The following SEZ6 variants were observed in gnomAD, a reference collection of about 807,000 sequenced individuals.
SEZ6 encodes the protein seizure related 6 homolog.
In SEZ6, 53 loss-of-function variants were observed where a neutral mutation model predicts 101.0. The observed-to-expected ratio is 0.52, with a 90% CI of 0.42 to 0.66. SEZ6 has a LOEUF of 0.66. SEZ6 is among the 30% of genes least tolerant of loss of function. SEZ6 has a pLI of 0.00. For missense variants in SEZ6, 1,102 were observed against 1,289.4 expected (o/e 0.85, Z 2.23); for synonymous variants, 488 against 512.2 (o/e 0.95, Z 0.64).
chr17:28,972,597 G>A lies in SEZ6; in HGVS notation c.859-2645C>T, dbSNP rs550962963. ...TGTGAGAAACTCTCCACCCAGGCAC[G>A]TTTGGGCGGAGGCTGCCTGACCATC... On this transcript the variant is annotated intron_variant, in intron 3 of 16. Coordinates refer to ENST00000317338, the MANE Select transcript of SEZ6 (RefSeq NM_178860.5). 5.3e-5 allele frequency among the ~76,000 whole-genome samples: 8 copies of A among 152,344 alleles called. No homozygotes were observed. The South Asian group carries it at 1.2e-3, about 24-fold the overall frequency.
In SEZ6 at chr17:28,981,650, G is replaced by C; in HGVS notation, c.445C>G (p.Leu149Val). 6.3e-7 allele frequency: 1 copy of C among 1,579,610 alleles called. No individual in the cohort carries two copies. Among genetic ancestry groups the C allele is most frequent in the Non-Finnish European group, 8.6e-7 (1 of 1,158,932 alleles). Residue 149 changes from leucine (L) to valine (V), a missense_variant, in exon 2 of 17, where the codon CTT becomes GTT. Around this residue, in one of 3 missense-constraint regions of SEZ6, gnomAD observed 406 missense variants for 418.6 expected, o/e 0.97. Coordinates refer to ENST00000317338, the MANE Select transcript of SEZ6 (RefSeq NM_178860.5). ...GGAGGTAGGGGAGCTGTGATTCGAAGCATAGGGGACTCTGACTCCGGACTC... is the reference window on the plus strand; with the variant it reads ...GGAGGTAGGGGAGCTGTGATTCGAACCATAGGGGACTCTGACTCCGGACTC... ...PWSPESESPM[L>V]RITAPLPPGP...
rs1286184100 is a variant in SEZ6, at chr17:28,955,556, A to G, written c.*406T>C. On this transcript the variant is annotated 3_prime_UTR_variant, in exon 17 of 17. Transcript: ENST00000317338. ...GGAGTACCCTGGTGCAGTTCCCACC[A>G]TGGTCAAGTTAATCCTGCTGCAGGT... is the stretch of plus-strand genomic sequence containing the variant. 10 of 457,006 alleles carry G rather than the reference A, an allele frequency of 2.2e-5. No individual in the cohort carries two copies. Among genetic ancestry groups the G allele is most frequent in the Admixed American group, 2.1e-4 (9 of 42,560 alleles). The allele number at this position is 457,006 out of a possible 1,614,324, so 28.3% of individuals were successfully genotyped here. A position where few individuals can be genotyped will look rare whatever the true frequency, so the allele number is the denominator to read the frequency against.
At chr17:28,958,255 G>A (rs746500291) in intron 10 of SEZ6, 114 bp from the exon 11 acceptor site, 37 of 1,303,894 alleles carry the variant, frequency 2.8e-5, no homozygotes, top group Non-Finnish European at 3.7e-5. Context: ...AGACTGTCCT[G>A]GGCGGGCTCA....
chr17:28,983,924 C>T (rs951711039), intron 1 of SEZ6, among the ~76,000 whole-genome samples: 1 of 151,884 alleles, frequency 6.6e-6, no homozygotes. Flanking sequence ...GAGACCATAG[C>T]AGCTCTGATG....
At chr17:29,000,830 AG>A (rs1304899471) in intron 1 of SEZ6, among the ~76,000 whole-genome samples, 4 of 149,576 alleles carry the variant, frequency 2.7e-5, no homozygotes, top group Non-Finnish European at 4.5e-5. Flanking sequence ...TGGCTGTTAT[AG>A]GGGGGGTGGT....
chr17:28,964,225 T>C (rs1598184026), intron 4 of SEZ6, 78 bp from the exon 5 acceptor site: 1 of 1,428,892 alleles, frequency 7.0e-7, no homozygotes, highest in East Asian at 2.5e-5. Flanking sequence ...GGGGGAGGTC[T>C]GCCTCAGTCT....
At chr17:29,001,337 A>G (rs2041612010) in intron 1 of SEZ6, among the ~76,000 whole-genome samples, 1 of 152,210 alleles carries the variant, frequency 6.6e-6, no homozygotes, top group South Asian at 2.1e-4. Flanking sequence ...TGTTGAGTTT[A>G]GTTTTGCTGC....
rs1271538224 is a variant in SEZ6 at position 28,956,378 on chromosome 17, CCAA to C, written c.2818_2820del (p.Leu940del). ...GAGAAGTAGAAGTATACACCTCCTA[CCAA>C]CAACACCATCGCCACCAGTGGCAAG... On this transcript the variant is annotated inframe_deletion, in exon 15 of 17. Coordinates refer to ENST00000317338, the MANE Select transcript of SEZ6 (RefSeq NM_178860.5). 1.3e-6 allele frequency: 2 copies of C among 1,572,860 alleles called. No individual in the cohort carries two copies. Among genetic ancestry groups the C allele is most frequent in the Non-Finnish European group, 1.7e-6 (2 of 1,158,960 alleles).
At position 28,959,854 on chromosome 17, in the gene SEZ6, A is replaced by G. The variant is rs2040948285; in HGVS notation, c.1615T>C (p.Tyr539His). The G allele has an allele frequency of 6.2e-7, 1 of 1,613,356 alleles. No homozygotes were observed. The highest frequency in any genetic ancestry group is 8.5e-7 in the Non-Finnish European group (1 of 1,179,650). The stretch of plus-strand genomic sequence containing the variant: ...GGTGTGCTGCTGCTGAAGTTACCGT[A>G]TTTGACAAAGGGCTCATAGCAATGG... The part of the protein sequence containing the change: ...QGHCYEPFVK[Y>H]GNFSSSTPTY... Residue 539 changes from tyrosine to histidine, a missense_variant, in exon 8 of 17, where the codon TAC becomes CAC. Tyr to His is a moderately conservative substitution (Grantham distance 83). Around this residue, in one of 3 missense-constraint regions of SEZ6, gnomAD observed 556 missense variants for 735.1 expected, o/e 0.76. Coordinates refer to ENST00000317338, the MANE Select transcript of SEZ6 (RefSeq NM_178860.5). The surrounding 1 kb of genome is among the most constrained non-coding windows in gnomAD (Gnocchi z 4.4).
At chr17:28,986,011 C>A (rs2041377011) in intron 1 of SEZ6, among the ~76,000 whole-genome samples, 1 of 152,216 alleles carries the variant, frequency 6.6e-6, no homozygotes, top group Non-Finnish European at 1.5e-5. Context: ...CCCTCCCTTC[C>A]CCGCGGGCCA....
At chr17:28,965,768 A>G (rs1388570774) in intron 4 of SEZ6, among the ~76,000 whole-genome samples, 1 of 152,210 alleles carries the variant, frequency 6.6e-6, no homozygotes, top group Non-Finnish European at 1.5e-5. Flanking sequence ...TGTCATACCA[A>G]ATTTGACCAA....
Position 28,957,177 on chromosome 17 carries a change from G to C in SEZ6, c.2560C>G (p.Gln854Glu), listed in dbSNP as rs746238342. 1.2e-6 allele frequency: 2 copies of C among 1,613,916 alleles called. No individual in the cohort carries two copies. Among genetic ancestry groups the C allele is most frequent in the East Asian group, 2.2e-5 (1 of 44,894 alleles). Residue 854 changes from glutamine to glutamate, a missense_variant, in exon 13 of 17, where the codon CAG (glutamine) becomes GAG (glutamate). Gln to Glu is a conservative substitution (Grantham distance 29). Coordinates refer to ENST00000317338, the MANE Select transcript of SEZ6 (RefSeq NM_178860.5). ...ATGGTGGCCCCTGCTGGGTGTAGCT[G>C]CTTCTCAGGACTTCGGGCACCATTC... ...PENGARSPEK[Q>E]LHPAGATIHF...
chr17:28,985,306 C>A (rs2152690269), intron 1 of SEZ6, among the ~76,000 whole-genome samples: 1 of 152,310 alleles, frequency 6.6e-6, no homozygotes, highest in Admixed American at 6.5e-5. Flanking sequence ...TGGGTTGGGC[C>A]CTGGTCGAGC....
intron 1 of SEZ6, among the ~76,000 whole-genome samples, chr17:28,996,362 CCAGGCACCT>C (rs2041541059): frequency 6.6e-6 from 1 of 152,136 alleles, no homozygotes; most frequent in South Asian, 2.1e-4. Flanking sequence ...GTGGGCTATC[CCAGGCACCT>C]TTTGCCTGAG....
intron 1 of SEZ6, among the ~76,000 whole-genome samples, chr17:29,004,547 G>A (rs912587545): frequency 6.6e-6 from 1 of 152,154 alleles, no homozygotes; most frequent in African/African-American, 2.4e-5. Flanking sequence ...GCGTCTCCGG[G>A]GCCACAGTTT....
At chr17:28,956,940 CAT>C (rs1161471483) in intron 13 of SEZ6, 103 bp downstream of exon 13, 1 of 1,381,418 alleles carries the variant, frequency 7.2e-7, no homozygotes, top group East Asian at 2.5e-5. Context: ...CCAAGGGTAA[CAT>C]GAAGGTGGCA....
rs956388609 is a variant in SEZ6, at chr17:28,955,764, G to A, written c.*198C>T. 1.4e-6 allele frequency: 1 copy of A among 722,408 alleles called. No homozygotes were observed. The highest frequency in any genetic ancestry group is 2.5e-6 in the Non-Finnish European group (1 of 403,034). The allele number at this position is 722,408 out of a possible 1,614,324, so 44.7% of individuals were successfully genotyped here. A position where few individuals can be genotyped will look rare whatever the true frequency, so the allele number is the denominator to read the frequency against. On this transcript the variant is annotated 3_prime_UTR_variant, in exon 17 of 17. Coordinates refer to ENST00000317338, the MANE Select transcript of SEZ6 (RefSeq NM_178860.5). ...GGGCCCAATGAAGGGCCCCAAGTGG[G>A]CAATGACACCAAGAAAATAGGCCAT... is the stretch of plus-strand genomic sequence containing the variant.
Position 28,955,945 on chromosome 17 carries a change from C to T in SEZ6, c.*17G>A. 6.2e-7 allele frequency: 1 copy of T among 1,611,338 alleles called. No homozygotes were observed. Among genetic ancestry groups the T allele is most frequent in the Non-Finnish European group, 8.5e-7 (1 of 1,178,836 alleles). ...CTGAGTTGACTTCCCTAGACTGCCC[C>T]CACCTAGATGGAGACTTCATATTCT... On this transcript the variant is annotated 3_prime_UTR_variant, in exon 17 of 17. Transcript: ENST00000317338.
chr17:29,004,033 G>T (rs928360595), intron 1 of SEZ6, among the ~76,000 whole-genome samples: 5 of 152,166 alleles, frequency 3.3e-5, no homozygotes, highest in Non-Finnish European at 7.3e-5. Context: ...CTCTAGCCCT[G>T]CAGGGAGCTC....
Sources: allele counts gnomAD v4.1 joint callset (sites outside exome capture counted in the v4.1 genomes callset), GRCh38; gene constraint gnomAD v4.1.1; regional missense constraint gnomAD v4.1.1; non-coding constraint Gnocchi (gnomAD v3.1); transcripts MANE v1.5; gene names NCBI Gene and HGNC (gene_info 2026-07-23, HGNC 2026-07-21).